Variants in NAV3 observed in about 807,000 individuals in gnomAD.
The protein encoded by NAV3 is neuron navigator 3.
NAV3 carries 87 observed loss-of-function variants against 244.7 expected under a neutral mutation model. The ratio of observed to expected loss-of-function variants is 0.36; its 90% CI spans 0.30 to 0.42. The LOEUF (loss-of-function observed/expected upper bound fraction) is 0.42. NAV3 is among the 20% of genes least tolerant of loss of function. The pLI, the probability that NAV3 is intolerant of heterozygous loss-of-function variation, is 1.00. For missense variants in NAV3, 2,663 were observed against 2,893.3 expected (o/e 0.92, Z 1.83); for synonymous variants, 1,126 against 1,042.2 (o/e 1.08, Z -1.55).
rs545752868 is a variant in NAV3, at chr12:78,057,231, A to T, written c.2517-1765A>T. 1.3e-4 allele frequency among the ~76,000 whole-genome samples: 20 copies of T among 152,358 alleles called. No homozygotes were observed. The East Asian group carries it at 3.7e-3, about 28-fold the overall frequency. On this transcript the variant is annotated intron_variant, in intron 11 of 39. Transcript: ENST00000397909. The stretch of plus-strand genomic sequence containing the variant: ...GAAGTTATCTTCAGGTGTCACAGTA[A>T]TAAATAGTTGGGCCAAGAATATAAC...
At chr12:77,668,213 C>T (rs1873806864) in intron 2 of NAV3, among the ~76,000 whole-genome samples, 2 of 152,044 alleles carry the variant, frequency 1.3e-5, no homozygotes, top group Non-Finnish European at 2.9e-5. Flanking sequence ...AGTAATATGA[C>T]CAAACAAAGT....
intron 2 of NAV3, among the ~76,000 whole-genome samples, chr12:77,694,730 A>T (rs1716243): frequency 0.91 from 138,978 of 152,174 alleles, 63,842 homozygotes; most frequent in East Asian, 1. Context: ...CCTATTGTGA[A>T]CAATGTCAAG....
At chr12:77,983,135 T>C (rs1399824657) in intron 5 of NAV3, among the ~76,000 whole-genome samples, 1 of 152,170 alleles carries the variant, frequency 6.6e-6, no homozygotes, top group Non-Finnish European at 1.5e-5. Context: ...CTGGGACTTA[T>C]TTGCTAAATG....
Position 78,198,627 on chromosome 12 carries a change from A to G in NAV3, c.6469A>G (p.Asn2157Asp). ...TAGTCCATATATTATTGGAACAATG[A>G]ATCAGGGAGTTTCTTCATCACCAAA... ...NKCPYIIGTM[N>D]QGVSSSPNLE... The change falls in exon 36 of 40, where the codon AAT (asparagine) becomes GAT (aspartate). Residue 2157 changes from asparagine (N) to aspartate (D), a missense_variant. By Grantham distance (23) the Asn-to-Asp change is conservative. Around this residue, in one of 6 missense-constraint regions of NAV3, gnomAD observed 543 missense variants for 672.4 expected, o/e 0.81. Coordinates refer to ENST00000397909, the MANE Select transcript of NAV3 (RefSeq NM_001024383.2). The G allele has an allele frequency of 6.3e-7, 1 of 1,598,462 alleles. No individual in the cohort carries two copies.
rs2136554220 is a variant in NAV3 at position 78,006,442 on chromosome 12, T to A, written c.904T>A (p.Ser302Thr). The change falls in exon 8 of 40, where the codon TCT (serine) becomes ACT (threonine). Residue 302 changes from serine to threonine, a missense_variant. Physicochemically the swap from Ser to Thr is moderately conservative, Grantham distance 58 (BLOSUM62 1). Coordinates refer to ENST00000397909, the MANE Select transcript of NAV3 (RefSeq NM_001024383.2). The stretch of plus-strand genomic sequence containing the variant: ...AGATTCCTCCAAAGGACCTCAATCG[T>A]CTTCAGGTGTAAATGGTAACGTGCA... ...EKDSSKGPQS[S>T]SGVNGNVQPP... 2 of 1,613,828 alleles carry A rather than the reference T, an allele frequency of 1.2e-6. No individual in the cohort carries two copies. Among genetic ancestry groups the A allele is most frequent in the Non-Finnish European group, 1.7e-6 (2 of 1,179,814 alleles).
intron 8 of NAV3, among the ~76,000 whole-genome samples, chr12:78,009,872 A>G (rs1000222570): frequency 3.9e-5 from 6 of 152,198 alleles, no homozygotes; most frequent in African/African-American, 1.4e-4. Flanking sequence ...AATTACATGA[A>G]TATCAGTAAT....
At chr12:77,591,306 A>G (rs192503937) in intron 2 of NAV3, among the ~76,000 whole-genome samples, 1 of 152,328 alleles carries the variant, frequency 6.6e-6, no homozygotes, top group Admixed American at 6.5e-5. Context: ...TGTTTTATTT[A>G]CTTCTATGAT....
At chr12:77,939,257 G>A (rs1193658145) in intron 1 of NAV3, among the ~76,000 whole-genome samples, 1 of 152,048 alleles carries the variant, frequency 6.6e-6, no homozygotes. Flanking sequence ...TTTTACTGCT[G>A]TGTCCTAGAT....
intron 1 of NAV3, among the ~76,000 whole-genome samples, chr12:77,935,528 T>C (rs955438556): frequency 6.6e-6 from 1 of 152,186 alleles, no homozygotes; most frequent in East Asian, 1.9e-4. Flanking sequence ...ATATTTCTCA[T>C]GGTTAATGGA....
chr12:77,949,999 A>G (rs1409483471), intron 3 of NAV3, among the ~76,000 whole-genome samples: 1 of 152,032 alleles, frequency 6.6e-6, no homozygotes, highest in African/African-American at 2.4e-5. Context: ...TTGATGGCTC[A>G]TTTCTTTTAA....
rs892404071 is a variant in NAV3, at chr12:78,000,839, A to G, written c.880+2363A>G. 1.5e-4 allele frequency among the ~76,000 whole-genome samples: 23 copies of G among 149,540 alleles called. No homozygotes were observed. The East Asian group carries it at 1.7e-3, about 11-fold the overall frequency. On this transcript the variant is annotated intron_variant, in intron 7 of 39. Coordinates refer to ENST00000397909, the MANE Select transcript of NAV3 (RefSeq NM_001024383.2). ...TAAAAATACAAAAAATTAGCCTGGC[A>G]TGGTGGCGGGCGCCTGTAGTCCCAG...
At chr12:77,675,578 T>A (rs935377236) in intron 2 of NAV3, among the ~76,000 whole-genome samples, 6 of 152,222 alleles carry the variant, frequency 3.9e-5, no homozygotes, top group African/African-American at 1.4e-4. Flanking sequence ...CCTAGAAAGA[T>A]TGTCATGTAA....
intron 1 of NAV3, among the ~76,000 whole-genome samples, chr12:77,922,359 G>A (rs1251201643): frequency 2.6e-5 from 4 of 152,026 alleles, no homozygotes; most frequent in East Asian, 1.9e-4. Flanking sequence ...CAGCTTTTCG[G>A]GTCATTCGGG....
At chr12:78,156,958 C>A (rs186137470) in intron 22 of NAV3, among the ~76,000 whole-genome samples, 1 of 152,228 alleles carries the variant, frequency 6.6e-6, no homozygotes, top group Non-Finnish European at 1.5e-5. Flanking sequence ...CATTTGATTA[C>A]ACTTGGGTGG....
At chr12:77,866,547 A>G (rs1412956453) in intron 1 of NAV3, among the ~76,000 whole-genome samples, 1 of 152,202 alleles carries the variant, frequency 6.6e-6, no homozygotes, top group Non-Finnish European at 1.5e-5. Flanking sequence ...CCTATCCCAC[A>G]TCAAGACTAA....
Position 78,197,373 on chromosome 12 carries a change from G to GGCT in NAV3, c.6419_6420insCTG (p.Gly2140_Phe2141insCys). 6.2e-7 allele frequency: 1 copy of GGCT among 1,600,388 alleles called. No individual in the cohort carries two copies. ...GGGCTCTCTGAGTGATATCTTCAAT[G>GGCT]GTTTTCTCAATTGTAAATACAACAA... On this transcript the variant is annotated inframe_insertion, in exon 35 of 40. Coordinates refer to ENST00000397909, the MANE Select transcript of NAV3 (RefSeq NM_001024383.2).
At chr12:77,836,618 T>C (rs968818256) in intron 1 of NAV3, among the ~76,000 whole-genome samples, 18 of 152,174 alleles carry the variant, frequency 1.2e-4, no homozygotes, top group African/African-American at 4.3e-4. Context: ...ATCCAAAATT[T>C]GAATTAAAGT....
chr12:78,034,298 A>G (rs1302878325), intron 9 of NAV3, among the ~76,000 whole-genome samples: 1 of 152,206 alleles, frequency 6.6e-6, no homozygotes, highest in Non-Finnish European at 1.5e-5. Flanking sequence ...GGGAAAAACC[A>G]TCCCCAGTTG....
intron 20 of NAV3, among the ~76,000 whole-genome samples, chr12:78,146,005 T>C (rs1049002192): frequency 6.6e-6 from 1 of 152,114 alleles, no homozygotes; most frequent in Non-Finnish European, 1.5e-5. Context: ...TGAAAGATAC[T>C]TCAATATTTT....
Sources: allele counts gnomAD v4.1 joint callset (sites outside exome capture counted in the v4.1 genomes callset), GRCh38; gene constraint gnomAD v4.1.1; regional missense constraint gnomAD v4.1.1; transcripts MANE v1.5; gene names NCBI Gene and HGNC (gene_info 2026-07-23, HGNC 2026-07-21).